SLC41A3: variants seen among roughly 807,000 people sequenced by gnomAD.
SLC41A3 encodes solute carrier family 41 member 3, also known as SLC41A1-like 2.
A neutral mutation model predicts 45.4 loss-of-function variants in SLC41A3; 44 were observed. The ratio of observed to expected loss-of-function variants is 0.97; its 90% CI spans 0.76 to 1.25. The LOEUF is 1.25. Ranked by LOEUF, SLC41A3 falls within the 50% of genes most tolerant of loss-of-function variation. The pLI is 0.00. For missense variants in SLC41A3, 550 were observed against 600.6 expected (o/e 0.92, Z 0.88); for synonymous variants, 256 against 252.4 (o/e 1.01, Z -0.13).
chr3:126,077,091 T>C (rs1944914280), intron 1 of SLC41A3, among the ~76,000 whole-genome samples: 1 of 152,220 alleles, frequency 6.6e-6, no homozygotes, highest in Non-Finnish European at 1.5e-5. Flanking sequence ...CAAAATAATA[T>C]AACGAGGCTG....
At chr3:126,086,498 CTGTGTGTGTGTGTGTGTGTG>C (rs57609698), upstream of SLC41A3, among the ~76,000 whole-genome samples, 42,329 of 132,836 alleles carry the variant, frequency 0.32, 6,704 homozygotes, top group African/African-American at 0.37. Context: ...GCTATAGGAT[CTGTGTGTGTGTGTGTGTGTG>C]TGTGTGTGTG....
intron 1 of SLC41A3, among the ~76,000 whole-genome samples, chr3:126,092,316 C>T (rs1945504248): frequency 6.6e-6 from 1 of 152,256 alleles, no homozygotes; most frequent in Admixed American, 6.5e-5. Flanking sequence ...CAATCTGTGC[C>T]TTAAGGGCAT....
intron 3 of SLC41A3, among the ~76,000 whole-genome samples, chr3:126,036,438 G>T (rs1348222256): frequency 5.9e-5 from 9 of 152,146 alleles, no homozygotes; most frequent in African/African-American, 2.2e-4. Flanking sequence ...TGGGGCAGGG[G>T]CTGTAATCTT....
chr3:126,071,046 A>C (rs1228562916), intron 1 of SLC41A3, among the ~76,000 whole-genome samples: 1 of 152,250 alleles, frequency 6.6e-6, no homozygotes, highest in Non-Finnish European at 1.5e-5. Flanking sequence ...ATACACTAGG[A>C]AAGATCTACT....
chr3:126,016,703 A>T (rs1274813653), intron 7 of SLC41A3, 28 bp downstream of exon 7: 1 of 1,590,616 alleles, frequency 6.3e-7, no homozygotes, highest in Non-Finnish European at 8.5e-7. Flanking sequence ...GAGGAGGAAG[A>T]GGGGCCGTGG....
At chr3:126,039,608 T>C (rs751599692) in intron 3 of SLC41A3, among the ~76,000 whole-genome samples, 2 of 152,250 alleles carry the variant, frequency 1.3e-5, no homozygotes, top group African/African-American at 2.4e-5. Flanking sequence ...TTTTTTTGCT[T>C]CCTATACTCT....
chr3:126,027,512 A>G (rs1218813980), intron 4 of SLC41A3, among the ~76,000 whole-genome samples: 1 of 152,176 alleles, frequency 6.6e-6, no homozygotes, highest in Non-Finnish European at 1.5e-5. Context: ...TTTGTTTATA[A>G]ATTACCCAGT....
intron 4 of SLC41A3, among the ~76,000 whole-genome samples, chr3:126,033,385 G>A (rs539269093): frequency 6.7e-6 from 1 of 148,692 alleles, no homozygotes; most frequent in East Asian, 2.0e-4. Flanking sequence ...AAAGGAGGGA[G>A]TGGGGAAGCT....
chr3:126,031,634 C>A (rs971634352), intron 4 of SLC41A3, among the ~76,000 whole-genome samples: 101 of 152,300 alleles, frequency 6.6e-4, no homozygotes, highest in Non-Finnish European at 2.9e-4. Flanking sequence ...ATGGAGGAGA[C>A]AAAATTACAT....
At position 126,062,056 on chromosome 3, in the gene SLC41A3, A is replaced by G. The variant is rs935342270; in HGVS notation, c.273+5891T>C. Among the ~76,000 whole-genome samples the G allele has an allele frequency of 2.0e-5, 3 of 152,198 alleles. 1 individual carries two copies. The highest frequency in any genetic ancestry group is 4.4e-5 in the Non-Finnish European group (3 of 68,026). On this transcript the variant is annotated intron_variant, in intron 2 of 10. Transcript: ENST00000360370. ...CCATTAAAACAGTTAATACTACCCA[A>G]TGCAAATTACAACAGGACCTTCAAG...
At chr3:126,016,901 A>G (rs1940348379) in intron 6 of SLC41A3, 26 bp from the exon 7 acceptor site, 1 of 1,605,894 alleles carries the variant, frequency 6.2e-7, no homozygotes, top group African/African-American at 1.3e-5. Context: ...GGACACACGC[A>G]GCTCATGTGG....
At chr3:126,048,263 T>A (rs1943095706) in intron 3 of SLC41A3, among the ~76,000 whole-genome samples, 1 of 152,218 alleles carries the variant, frequency 6.6e-6, no homozygotes, top group Admixed American at 6.5e-5. Flanking sequence ...TTTATAAAGC[T>A]TTGTAGTTTA....
chr3:126,029,375 C>CA (rs1553728723), intron 4 of SLC41A3, among the ~76,000 whole-genome samples: 2 of 151,864 alleles, frequency 1.3e-5, no homozygotes, highest in African/African-American at 2.4e-5. Context: ...CTCCCTCCCC[C>CA]ACCACTCTCT....
At chr3:126,078,069 G>A (rs888346670) in intron 1 of SLC41A3, among the ~76,000 whole-genome samples, 3 of 152,098 alleles carry the variant, frequency 2.0e-5, no homozygotes, top group African/African-American at 4.8e-5. Flanking sequence ...GGACCTGCAG[G>A]GGCCCAATGC....
intron 2 of SLC41A3, among the ~76,000 whole-genome samples, chr3:126,054,823 G>C (rs1007161928): frequency 1.3e-5 from 2 of 152,090 alleles, no homozygotes; most frequent in East Asian, 1.9e-4. Context: ...AGCATCAGCA[G>C]GGTGGTCTCA....
chr3:126,084,621 C>G (rs1317700179), upstream of SLC41A3, among the ~76,000 whole-genome samples: 1 of 152,146 alleles, frequency 6.6e-6, no homozygotes, highest in Non-Finnish European at 1.5e-5. Flanking sequence ...TTTAAATACT[C>G]GAGTATGTTT....
At chr3:126,014,595 T>G (rs750117746) in intron 8 of SLC41A3, among the ~76,000 whole-genome samples, 46 of 152,222 alleles carry the variant, frequency 3.0e-4, no homozygotes, top group Non-Finnish European at 5.1e-4. Flanking sequence ...TGAAGGCACT[T>G]TGGCACTGTT....
At chr3:126,015,676 G>T in intron 7 of SLC41A3, 103 bp from the exon 8 acceptor site, 1 of 1,131,492 alleles carries the variant, frequency 8.8e-7, no homozygotes, top group Non-Finnish European at 1.3e-6. Flanking sequence ...TCCCATCCTT[G>T]GCTGTCACTC....
chr3:126,055,137 G>A lies in SLC41A3; in HGVS notation c.274-4087C>T, dbSNP rs866823189. ...ACTCTGAGTGGCCATTAGGAAGGAG[G>A]TGCTGCATACACTCGGGAACATGAA... On this transcript the variant is annotated intron_variant, in intron 2 of 10. Coordinates refer to ENST00000360370, the MANE Select transcript of SLC41A3 (RefSeq NM_017836.4). Among the ~76,000 whole-genome samples the A allele has an allele frequency of 1.3e-5, 2 of 152,148 alleles. 1 individual carries two copies. Among genetic ancestry groups the A allele is most frequent in the African/African-American group, 4.8e-5 (2 of 41,418 alleles).
Sources: gnomAD v4.1 joint callset for allele counts (sites outside exome capture counted in the v4.1 genomes callset) on GRCh38, gnomAD v4.1.1 for gene constraint, MANE v1.5 for transcripts, NCBI Gene and HGNC (gene_info 2026-07-23, HGNC 2026-07-21) for gene names.